DHTKD1: variants seen among roughly 807,000 people sequenced by gnomAD.
The protein encoded by DHTKD1 is dehydrogenase E1 and transketolase domain containing 1, also known as 2-oxoadipate dehydrogenase complex component E1.
A neutral mutation model predicts 101.8 loss-of-function variants in DHTKD1; 78 were observed. The ratio of observed to expected loss-of-function variants is 0.77; its 90% CI spans 0.64 to 0.93. The LOEUF is 0.93. Among genes scored for constraint, DHTKD1 ranks in the 40% least tolerant of loss-of-function variants. The probability of loss-of-function intolerance (pLI) is 0.00; values close to 1 mark genes in which losing one functional copy is unlikely to be tolerated. For synonymous variants in DHTKD1, 462 were observed against 450.3 expected (o/e 1.03, Z -0.33); for missense variants, 1,223 against 1,161.7 (o/e 1.05, Z -0.77).
intron 1 of DHTKD1, among the ~76,000 whole-genome samples, chr10:12,074,172 T>TTTTTG (rs71382614): frequency 0.55 from 83,364 of 150,458 alleles, 26,013 homozygotes; most frequent in South Asian, 0.81. Flanking sequence ...AAAGTTTTGC[T>TTTTTG]TTTTGTTTTG....
intron 1 of DHTKD1, among the ~76,000 whole-genome samples, chr10:12,072,966 C>A (rs1057197476): frequency 2.0e-5 from 3 of 152,020 alleles, no homozygotes; most frequent in African/African-American, 7.2e-5. Context: ...GAACTCCCGA[C>A]CTCAGGTGAT....
intron 1 of DHTKD1, among the ~76,000 whole-genome samples, chr10:12,073,939 A>G (rs1476214063): frequency 1.3e-5 from 2 of 152,198 alleles, no homozygotes; most frequent in African/African-American, 4.8e-5. Flanking sequence ...CTGAGCCAGA[A>G]GCATGCCTCT....
chr10:12,118,831 G>T lies in DHTKD1; in HGVS notation c.2485G>T (p.Asp829Tyr). ...QRESLGAKKHDFAIIRVEELC... is the reference protein window; with the variant it reads ...QRESLGAKKHYFAIIRVEELC... ...AGAATCTCTGGGGGCCAAGAAGCAT[G>T]ACTTTGCCATCATCCGAGTAGAGGA... The change falls in exon 15 of 17, where the codon GAC becomes TAC. Residue 829 changes from aspartate (D) to tyrosine (Y), a missense_variant. Asp to Tyr is a radical substitution (Grantham distance 160). Transcript: ENST00000263035. 2 of 1,608,840 alleles carry T rather than the reference G, an allele frequency of 1.2e-6. No individual in the cohort carries two copies. The highest frequency in any genetic ancestry group is 2.2e-5 in the South Asian group (2 of 89,980).
rs543009360 is a variant in DHTKD1, at chr10:12,087,313, C to T, written c.523-222C>T. On this transcript the variant is annotated intron_variant, in intron 3 of 16. Coordinates refer to ENST00000263035, the MANE Select transcript of DHTKD1 (RefSeq NM_018706.7). This position sits in a 1 kb window ranked among gnomAD's most constrained non-coding sequence, Gnocchi z 5.2. The stretch of plus-strand genomic sequence containing the variant: ...GTTTCCTTGGGGTGAGTTATTCTGC[C>T]GCTCAGGTTATTCTCCTCAGCCCCT... 2.6e-5 allele frequency among the ~76,000 whole-genome samples: 4 copies of T among 152,104 alleles called. No homozygotes were observed. Among genetic ancestry groups the T allele is most frequent in the South Asian group, 2.1e-4 (1 of 4,812 alleles).
intron 14 of DHTKD1, 48 bp from the exon 15 acceptor site, chr10:12,118,701 C>G (rs781265400): frequency 1.4e-6 from 2 of 1,426,516 alleles, no homozygotes; most frequent in Admixed American, 2.6e-5. Flanking sequence ...GTAATTCTTA[C>G]TTTAAAAAAT....
At chr10:12,118,482 A>C (rs1195198421) in intron 14 of DHTKD1, among the ~76,000 whole-genome samples, 2 of 149,870 alleles carry the variant, frequency 1.3e-5, no homozygotes, top group African/African-American at 4.9e-5. Flanking sequence ...TCCCGGGTTC[A>C]CGCCATTCTC....
At position 12,103,795 on chromosome 10, in the gene DHTKD1, T is replaced by C. The variant is rs1035656209; in HGVS notation, c.1897-2451T>C. Among the ~76,000 whole-genome samples, 8 of 152,162 alleles carry C rather than the reference T, an allele frequency of 5.3e-5. No individual in the cohort carries two copies. The highest frequency in any genetic ancestry group is 1.0e-4 in the Non-Finnish European group (7 of 68,028). On this transcript the variant is annotated intron_variant, in intron 10 of 16. Coordinates refer to ENST00000263035, the MANE Select transcript of DHTKD1 (RefSeq NM_018706.7). This position sits in a 1 kb window ranked among gnomAD's most constrained non-coding sequence, Gnocchi z 4.8. ...CCTCCCAAAGTGCTGGGATTATAGA[T>C]GTGAGCTGCCGTGCCCAGCCTAGAG... is the stretch of plus-strand genomic sequence containing the variant.
At chr10:12,114,268 T>A in intron 13 of DHTKD1, among the ~76,000 whole-genome samples, 1 of 152,260 alleles carries the variant, frequency 6.6e-6, no homozygotes, top group South Asian at 2.1e-4. Context: ...TTTTTCAGGT[T>A]CATATGAGTT....
At chr10:12,102,067 ATCT>A (rs565948709) in intron 10 of DHTKD1, among the ~76,000 whole-genome samples, 46 of 152,228 alleles carry the variant, frequency 3.0e-4, no homozygotes, top group Admixed American at 1.6e-3. Flanking sequence ...GTGGCATGTC[ATCT>A]TCTTTCCTAC....
At position 12,084,646 on chromosome 10, in the gene DHTKD1, C is replaced by G. The variant is rs1223153098; in HGVS notation, c.417C>G (p.Ser139Arg). 3 of 1,613,936 alleles carry G rather than the reference C, an allele frequency of 1.9e-6. No homozygotes were observed. The highest frequency in any genetic ancestry group is 8.5e-7 in the Non-Finnish European group (1 of 1,179,876). The change falls in exon 3 of 17, where the codon AGC becomes AGG. Residue 139 changes from serine (S) to arginine (R), a missense_variant. Transcript: ENST00000263035. ...QISIETSQLQ[S>R]QDEKDWFAKR... Reference sequence around the variant, plus strand: ...CTATTGAAACCTCCCAACTTCAGAGCCAGGATGAGAAAGACTGGTTTGCCA... The same window carrying G: ...CTATTGAAACCTCCCAACTTCAGAGGCAGGATGAGAAAGACTGGTTTGCCA...
chr10:12,095,812 C>CAAAAAAAAAAAAAAAAAAAAAA (rs1185585860), intron 7 of DHTKD1, among the ~76,000 whole-genome samples: 10 of 41,494 alleles, frequency 2.4e-4, no homozygotes, highest in Non-Finnish European at 3.9e-4. Context: ...GACTCCGTCT[C>CAAAAAAAAAAAAAAAAAAAAAA]AAAAAAAAAA....
Position 12,101,054 on chromosome 10 carries a change from G to C in DHTKD1, c.1769G>C (p.Arg590Pro). Residue 590 changes from arginine (R) to proline (P), a missense_variant, in exon 10 of 17, where the codon CGT (arginine) becomes CCT (proline). Transcript: ENST00000263035. ...GSLLAQGFNV[R>P]LSGQDVGRGT... The stretch of plus-strand genomic sequence containing the variant: ...TTGCTTGCTTAAGGTTTTAATGTTC[G>C]TCTAAGTGGCCAAGATGTTGGTCGT... The C allele has an allele frequency of 6.2e-7, 1 of 1,613,570 alleles. No individual in the cohort carries two copies. The highest frequency in any genetic ancestry group is 8.5e-7 in the Non-Finnish European group (1 of 1,179,902).
Position 12,100,194 on chromosome 10 carries a change from T to C in DHTKD1, c.1688T>C (p.Met563Thr), listed in dbSNP as rs763073703. The change falls in exon 9 of 17, where the codon ATG (methionine) becomes ACG (threonine). Residue 563 changes from methionine to threonine, a missense_variant. Physicochemically the swap from Met to Thr is moderately conservative, Grantham distance 81 (BLOSUM62 -1). Coordinates refer to ENST00000263035, the MANE Select transcript of DHTKD1 (RefSeq NM_018706.7). The stretch of plus-strand genomic sequence containing the variant: ...ATTTTACAGTCCAGAATGGAGAAGA[T>C]GATGGACGGAATCAAGCTAGACTGG... ...KTHVQSRMEKMMDGIKLDWAT... is the reference protein window; with the variant it reads ...KTHVQSRMEKTMDGIKLDWAT... 4 of 1,595,508 alleles carry C rather than the reference T, an allele frequency of 2.5e-6. No homozygotes were observed. In the Admixed American group the frequency reaches 7.0e-5, roughly 28 times the overall value.
At chr10:12,111,741 G>T (rs1185392744) in intron 12 of DHTKD1, among the ~76,000 whole-genome samples, 1 of 152,086 alleles carries the variant, frequency 6.6e-6, no homozygotes, top group Non-Finnish European at 1.5e-5. Flanking sequence ...AGCTGAGAGT[G>T]GTGATGCAGG....
At chr10:12,084,814 GC>G in intron 3 of DHTKD1, 63 bp downstream of exon 3, 2 of 1,464,482 alleles carry the variant, frequency 1.4e-6, no homozygotes, top group Non-Finnish European at 1.9e-6. Context: ...ACTTTGGGAG[GC>G]CGAGGCGGGC....
At chr10:12,118,589 A>G (rs112047921) in intron 14 of DHTKD1, among the ~76,000 whole-genome samples, 160 bp from the exon 15 acceptor site, 51 of 151,892 alleles carry the variant, frequency 3.4e-4, no homozygotes, top group African/African-American at 1.1e-3. Context: ...TCACCGTGTT[A>G]GCCAGGATGG....
intron 1 of DHTKD1, among the ~76,000 whole-genome samples, chr10:12,076,975 T>TAAAAA (rs61096299): frequency 2.3e-3 from 142 of 61,474 alleles, no homozygotes; most frequent in African/African-American, 4.6e-3. Flanking sequence ...CTGTTTCTGA[T>TAAAAA]AAAAAAAAAA....
chr10:12,084,395 A>G, intron 2 of DHTKD1, 145 bp from the exon 3 acceptor site: 1 of 589,240 alleles, frequency 1.7e-6, no homozygotes, highest in Non-Finnish European at 3.0e-6. Flanking sequence ...TGCATATAAC[A>G]AAACAATGCC....
At chr10:12,084,855 A>C in intron 3 of DHTKD1, 104 bp downstream of exon 3, 2 of 923,950 alleles carry the variant, frequency 2.2e-6, no homozygotes, top group Non-Finnish European at 3.4e-6. Context: ...GTTCAAGACC[A>C]GCCTGACCAA....
Sources: allele counts gnomAD v4.1 joint callset (sites outside exome capture counted in the v4.1 genomes callset), GRCh38; gene constraint gnomAD v4.1.1; non-coding constraint Gnocchi (gnomAD v3.1); transcripts MANE v1.5; gene names NCBI Gene and HGNC (gene_info 2026-07-23, HGNC 2026-07-21).